Variants in CYB5A observed in about 807,000 individuals in gnomAD.
CYB5A encodes cytochrome b5 type A.
In CYB5A, 10 loss-of-function variants were observed where a neutral mutation model predicts 16.2. The ratio of observed to expected loss-of-function variants is 0.62; its 90% CI spans 0.38 to 1.04. CYB5A has a LOEUF of 1.04. Among genes scored for constraint, CYB5A ranks in the 50% least tolerant of loss-of-function variants. The pLI, the probability that CYB5A is intolerant of heterozygous loss-of-function variation, is 0.01. For missense variants in CYB5A, 161 were observed against 165.9 expected, an observed-to-expected ratio of 0.97 and a Z score of 0.16; for synonymous variants, 62 against 57.0, an observed-to-expected ratio of 1.09 and a Z score of -0.40.
intron 2 of CYB5A, among the ~76,000 whole-genome samples, chr18:74,263,035 G>C (rs1420477628): frequency 3.3e-5 from 5 of 151,748 alleles, no homozygotes; most frequent in Non-Finnish European, 7.4e-5. Context: ...TGTAGTCCCA[G>C]CTACCAAGAG....
At chr18:74,257,279 CACTA>C in intron 3 of CYB5A, 1 of 203,272 alleles carries the variant, frequency 4.9e-6, no homozygotes, top group Non-Finnish European at 1.0e-5. Context: ...AAGGTTAAAA[CACTA>C]CTCTGGCACC....
At chr18:74,282,921 G>GT (rs1044993689) in intron 1 of CYB5A, among the ~76,000 whole-genome samples, 2 of 151,986 alleles carry the variant, frequency 1.3e-5, no homozygotes, top group South Asian at 2.1e-4. Flanking sequence ...AAAAGATCAA[G>GT]TTTTTTTTGT....
chr18:74,274,358 C>T (rs767577530), intron 1 of CYB5A, among the ~76,000 whole-genome samples: 8 of 152,166 alleles, frequency 5.3e-5, no homozygotes, highest in Non-Finnish European at 1.0e-4. Flanking sequence ...ATTTTTAAAA[C>T]TGCAAGAAAA....
In CYB5A at chr18:74,291,879, G is replaced by A. The variant is rs200736659; in HGVS notation, c.-4C>T. Reference sequence around the variant, plus strand: ...CCTCGTCCGACTGCTCTGCCATCTCGGTTCGCCGCGAGCCAGGCCCAGCAC... The same window carrying A: ...CCTCGTCCGACTGCTCTGCCATCTCAGTTCGCCGCGAGCCAGGCCCAGCAC... On this transcript the variant is annotated 5_prime_UTR_variant, in exon 1 of 5. Coordinates refer to ENST00000340533, the MANE Select transcript of CYB5A (RefSeq NM_148923.4). 8.7e-5 allele frequency: 140 copies of A among 1,611,158 alleles called. No homozygotes were observed. The highest frequency in any genetic ancestry group is 1.2e-4 in the Non-Finnish European group (140 of 1,179,868).
At chr18:74,257,013 T>C (rs1172109470) in intron 3 of CYB5A, 2 of 609,182 alleles carry the variant, frequency 3.3e-6, no homozygotes, top group Non-Finnish European at 5.8e-6. Context: ...TTAACAAAAA[T>C]TACTAGAAAT....
At chr18:74,290,307 C>G (rs1429086553) in intron 1 of CYB5A, among the ~76,000 whole-genome samples, 1 of 152,104 alleles carries the variant, frequency 6.6e-6, no homozygotes, top group East Asian at 1.9e-4. Flanking sequence ...CAAAGTGGTG[C>G]GATTTCGGCT....
Position 74,291,765 on chromosome 18 carries a change from C to G in CYB5A, c.111G>C (p.Leu37Phe). ...AACTCACCTCTTCCAGAAATTTGGTCAAATCGTACACCTTGTGGTGCAGGA... is the reference window on the plus strand; with the variant it reads ...AACTCACCTCTTCCAGAAATTTGGTGAAATCGTACACCTTGTGGTGCAGGA... The part of the protein sequence containing the change: ...WLILHHKVYD[L>F]TKFLEEHPGG... The change falls in exon 1 of 5, where the codon TTG (leucine) becomes TTC (phenylalanine). Residue 37 changes from leucine (L) to phenylalanine (F), a missense_variant. Coordinates refer to ENST00000340533, the MANE Select transcript of CYB5A (RefSeq NM_148923.4). The G allele has an allele frequency of 1.2e-6, 2 of 1,613,878 alleles. No homozygotes were observed. Among genetic ancestry groups the G allele is most frequent in the Non-Finnish European group, 1.7e-6 (2 of 1,179,786 alleles).
intron 1 of CYB5A, among the ~76,000 whole-genome samples, chr18:74,281,763 G>GTGTT (rs1555690499): frequency 2.7e-5 from 4 of 150,758 alleles, no homozygotes; most frequent in African/African-American, 9.8e-5. Flanking sequence ...GTGTGTGTGT[G>GTGTT]TGTGTATGTG....
rs1389132017 is a variant in CYB5A at position 74,252,851 on chromosome 18, GC to G, written c.*732del. The stretch of plus-strand genomic sequence containing the variant: ...CCCAAGTAGCCGGGATTACAGGCAT[GC>G]GCCACTACGCCCTGCTAATTTTGTA... On this transcript the variant is annotated 3_prime_UTR_variant, in exon 5 of 5. Transcript: ENST00000340533. The G allele has an allele frequency of 6.6e-6, 1 of 152,148 alleles. No individual in the cohort carries two copies. Among genetic ancestry groups the G allele is most frequent in the Non-Finnish European group, 1.5e-5 (1 of 68,134 alleles). The allele number at this position is 152,148 out of a possible 1,614,324, so 9.4% of individuals were successfully genotyped here.
chr18:74,288,459 G>A (rs531631671), intron 1 of CYB5A, among the ~76,000 whole-genome samples: 1 of 152,322 alleles, frequency 6.6e-6, no homozygotes, highest in South Asian at 2.1e-4. Context: ...TCCTATTTAG[G>A]TAAATTAGGT....
chr18:74,256,974 T>G (rs548078743), intron 3 of CYB5A: 2 of 825,344 alleles, frequency 2.4e-6, no homozygotes, highest in African/African-American at 3.4e-5. Flanking sequence ...AGCAAGAGGA[T>G]TTTCCAAATT....
At chr18:74,256,992 T>C (rs1982011460) in intron 3 of CYB5A, 1 of 688,568 alleles carries the variant, frequency 1.5e-6, no homozygotes, top group South Asian at 1.8e-5. Context: ...ATTGTGTATA[T>C]ATGAATAAAA....
At position 74,255,938 on chromosome 18, in the gene CYB5A, A is replaced by ACTTTGTTTCTTTGTTT. The variant is rs367752960; in HGVS notation, c.289-164_289-163insAAACAAAGAAACAAAG. On this transcript the variant is annotated intron_variant, in intron 3 of 4. Coordinates refer to ENST00000340533, the MANE Select transcript of CYB5A (RefSeq NM_148923.4). ...AAACTTCTTTTCACTAAAATGCCTA[A>ACTTTGTTTCTTTGTTT]CTTTGTTTTCTTCCAGAGTAAAACA... The ACTTTGTTTCTTTGTTT allele has an allele frequency of 2.1e-3, 1,269 of 617,086 alleles. 9 individuals carry two copies. The highest frequency in any genetic ancestry group is 0.019 in the African/African-American group (1,047 of 54,482). The allele number at this position is 617,086 out of a possible 1,614,324, so 38.2% of individuals were successfully genotyped here. A position where few individuals can be genotyped will look rare whatever the true frequency, so the allele number is the denominator to read the frequency against.
At chr18:74,264,640 C>T (rs1478877730) in intron 1 of CYB5A, among the ~76,000 whole-genome samples, 1 of 152,208 alleles carries the variant, frequency 6.6e-6, no homozygotes, top group Non-Finnish European at 1.5e-5. Flanking sequence ...AAGATGCTGC[C>T]ACCAGGACAC....
intron 1 of CYB5A, among the ~76,000 whole-genome samples, chr18:74,277,316 C>A (rs943296357): frequency 2.0e-5 from 3 of 152,178 alleles, no homozygotes; most frequent in Non-Finnish European, 4.4e-5. Flanking sequence ...GTGGAGGGGC[C>A]AGCATCTGCA....
intron 2 of CYB5A, among the ~76,000 whole-genome samples, chr18:74,262,381 A>AG (rs1238181266): frequency 6.6e-5 from 10 of 150,510 alleles, no homozygotes; most frequent in African/African-American, 2.2e-4. Context: ...GCTTGAACCC[A>AG]GGAGGTGGAG....
intron 1 of CYB5A, among the ~76,000 whole-genome samples, chr18:74,271,646 T>C (rs1350884595): frequency 1.4e-5 from 2 of 144,076 alleles, no homozygotes; most frequent in East Asian, 3.9e-4. Flanking sequence ...CATGTACTTA[T>C]CGTGTGTGTG....
At position 74,251,610 on chromosome 18, in the gene CYB5A, A is replaced by G. The variant is rs1425163762; in HGVS notation, c.*1974T>C. ...GGGCCCAAGATGTTTTCCTTTCACAAGCAGCAGATGAAAAGAAAGGGCAGC... is the reference window on the plus strand; with the variant it reads ...GGGCCCAAGATGTTTTCCTTTCACAGGCAGCAGATGAAAAGAAAGGGCAGC... On this transcript the variant is annotated 3_prime_UTR_variant, in exon 5 of 5. Coordinates refer to ENST00000340533, the MANE Select transcript of CYB5A (RefSeq NM_148923.4). 1 of 152,194 alleles carries G rather than the reference A, an allele frequency of 6.6e-6. No homozygotes were observed. The highest frequency in any genetic ancestry group is 2.4e-5 in the African/African-American group (1 of 41,424). 9.4% of individuals were successfully genotyped at this position (152,194 alleles called of 1,614,324 possible).
rs570560018 is a variant in CYB5A, at chr18:74,260,688, T to C, written c.288+227A>G. ...ATATTGATAATTATGATGAAAAAAGTAGTTTACTGACAGCCTTAAAAAAAT... is the reference window on the plus strand; with the variant it reads ...ATATTGATAATTATGATGAAAAAAGCAGTTTACTGACAGCCTTAAAAAAAT... On this transcript the variant is annotated intron_variant, in intron 3 of 4. Coordinates refer to ENST00000340533, the MANE Select transcript of CYB5A (RefSeq NM_148923.4). The C allele has an allele frequency of 1.0e-3, 638 of 613,032 alleles. 1 individual carries two copies. Among genetic ancestry groups the C allele is most frequent in the Non-Finnish European group, 1.7e-3 (573 of 329,898 alleles). The allele number at this position is 613,032 out of a possible 1,614,324, so 38.0% of individuals were successfully genotyped here.
Sources: allele counts gnomAD v4.1 joint callset (sites outside exome capture counted in the v4.1 genomes callset), GRCh38; gene constraint gnomAD v4.1.1; transcripts MANE v1.5; gene names NCBI Gene and HGNC (gene_info 2026-07-23, HGNC 2026-07-21).